FAM107B: variants seen among roughly 807,000 people sequenced by gnomAD.
FAM107B encodes family with sequence similarity 107 member B, also known as protein FAM107B.
FAM107B carries 21 observed loss-of-function variants against 31.5 expected under a neutral mutation model. That is an observed-to-expected ratio of 0.67 (90% confidence interval 0.47 to 0.96). FAM107B has a LOEUF of 0.96. FAM107B is among the 40% of genes least tolerant of loss of function. The pLI, the probability that FAM107B is intolerant of heterozygous loss-of-function variation, is 0.00. For missense variants in FAM107B, 452 were observed against 377.1 expected (o/e 1.20, Z -1.64); for synonymous variants, 157 against 141.5 (o/e 1.11, Z -0.78).
chr10:14,669,025 C>G (rs1854475883), intron 1 of FAM107B, among the ~76,000 whole-genome samples: 1 of 152,078 alleles, frequency 6.6e-6, no homozygotes, highest in Admixed American at 6.6e-5. Context: ...TTGGTAATAT[C>G]TCACCTGGAT....
chr10:14,696,456 A>C (rs939666710), intron 1 of FAM107B, among the ~76,000 whole-genome samples: 2 of 151,582 alleles, frequency 1.3e-5, no homozygotes, highest in Non-Finnish European at 2.9e-5. Context: ...TTTTCTTGTA[A>C]TGTCTTTGCC....
intron 2 of FAM107B, among the ~76,000 whole-genome samples, chr10:14,644,450 C>T (rs1853704488): frequency 6.6e-6 from 1 of 152,216 alleles, no homozygotes; most frequent in Non-Finnish European, 1.5e-5. Flanking sequence ...CATGCGTATG[C>T]TGCCTGCCCT....
At chr10:14,684,406 C>T (rs1854922718) in intron 1 of FAM107B, among the ~76,000 whole-genome samples, 1 of 152,128 alleles carries the variant, frequency 6.6e-6, no homozygotes, top group African/African-American at 2.4e-5. Flanking sequence ...GAGCCAAGAT[C>T]ATGCCACAGC....
At chr10:14,602,363 C>A (rs1270234552) in intron 2 of FAM107B, 2 of 152,174 alleles carry the variant, frequency 1.3e-5, no homozygotes, top group Non-Finnish European at 1.5e-5. Context: ...GTCTCAAAGA[C>A]CTCTATTTTG....
At chr10:14,702,877 T>A (rs1018062173) in intron 1 of FAM107B, among the ~76,000 whole-genome samples, 1 of 152,038 alleles carries the variant, frequency 6.6e-6, no homozygotes, top group Non-Finnish European at 1.5e-5. Context: ...CACCAAGAAT[T>A]GTTTTTCCTT....
At chr10:14,719,682 G>C (rs989012076) in intron 1 of FAM107B, among the ~76,000 whole-genome samples, 1 of 152,188 alleles carries the variant, frequency 6.6e-6, no homozygotes, top group African/African-American at 2.4e-5. Context: ...GGGTATTTAT[G>C]TTCCTCTCTC....
chr10:14,767,079 G>C (rs868856426), intron 1 of FAM107B, among the ~76,000 whole-genome samples: 3 of 97,314 alleles, frequency 3.1e-5, no homozygotes, highest in East Asian at 2.8e-4. Flanking sequence ...GAGAGAGAGA[G>C]AGAGAGAGAG....
At chr10:14,648,001 GAAAA>G (rs546564001) in intron 2 of FAM107B, among the ~76,000 whole-genome samples, 1 of 132,712 alleles carries the variant, frequency 7.5e-6, no homozygotes, top group Non-Finnish European at 1.6e-5. Flanking sequence ...ATTTTTAGCG[GAAAA>G]AAAAAAAGGC....
chr10:14,668,438 C>T (rs746113726), intron 1 of FAM107B, among the ~76,000 whole-genome samples: 2 of 152,082 alleles, frequency 1.3e-5, no homozygotes, highest in African/African-American at 4.8e-5. Context: ...CATGTACTTT[C>T]GAAAGTTCCA....
At chr10:14,710,384 A>G (rs929374571) in intron 1 of FAM107B, among the ~76,000 whole-genome samples, 1 of 151,428 alleles carries the variant, frequency 6.6e-6, no homozygotes, top group Non-Finnish European at 1.5e-5. Flanking sequence ...ATACTCCAGC[A>G]TGGGATAAAA....
intron 2 of FAM107B, among the ~76,000 whole-genome samples, chr10:14,581,571 C>T (rs1851637269): frequency 6.6e-6 from 1 of 152,232 alleles, no homozygotes. Flanking sequence ...TTCTGGCTGC[C>T]ATCACCGGCA....
intron 2 of FAM107B, among the ~76,000 whole-genome samples, chr10:14,610,837 T>A (rs184053026): frequency 7.3e-4 from 111 of 152,380 alleles, no homozygotes; most frequent in Non-Finnish European, 5.1e-4. Flanking sequence ...TTTCATAATG[T>A]AACTGAGTAC....
At chr10:14,755,949 A>G (rs1381950113) in intron 1 of FAM107B, among the ~76,000 whole-genome samples, 1 of 152,170 alleles carries the variant, frequency 6.6e-6, no homozygotes, top group African/African-American at 2.4e-5. Flanking sequence ...TCTGACTCCA[A>G]AACCCAATAA....
intron 2 of FAM107B, among the ~76,000 whole-genome samples, chr10:14,548,832 A>ACG (rs1158272680): frequency 3.4e-5 from 2 of 59,390 alleles, no homozygotes; most frequent in South Asian, 9.3e-4. Context: ...ACACGCACAC[A>ACG]CACGCACACA....
chr10:14,567,429 G>T (rs1015974039), intron 2 of FAM107B, among the ~76,000 whole-genome samples: 1 of 152,116 alleles, frequency 6.6e-6, no homozygotes, highest in Non-Finnish European at 1.5e-5. Flanking sequence ...AGAGATTTAA[G>T]AAGTGTGGAG....
chr10:14,523,929 T>A (rs548406102), intron 3 of FAM107B, among the ~76,000 whole-genome samples: 2 of 151,234 alleles, frequency 1.3e-5, no homozygotes, highest in South Asian at 2.1e-4. Flanking sequence ...TGCAGCGGCA[T>A]GATCTCAGCT....
In FAM107B at chr10:14,521,974, T is replaced by G. The variant is rs745864568; in HGVS notation, c.699A>C (p.Glu233Asp). ...QNKPELQKVM[E>D]KRKRDQVIKQ... ...TTATTACTTGGTCTCGTTTTCTTTT[T>G]TCCATCACCTTCTGCAATTCTGGTT... The change falls in exon 4 of 5, where the codon GAA becomes GAC. Residue 233 changes from glutamate (E) to aspartate (D), a missense_variant. Glu to Asp is a conservative substitution (Grantham distance 45). Transcript: ENST00000181796. The G allele has an allele frequency of 3.7e-6, 6 of 1,614,178 alleles. No individual in the cohort carries two copies. Among genetic ancestry groups the G allele is most frequent in the Non-Finnish European group, 5.1e-6 (6 of 1,180,022 alleles).
chr10:14,737,635 C>CAA (rs1461764946), intron 1 of FAM107B, among the ~76,000 whole-genome samples: 1 of 151,884 alleles, frequency 6.6e-6, no homozygotes, highest in African/African-American at 2.4e-5. Context: ...AACAAACAAA[C>CAA]AAACAAAAAA....
intron 2 of FAM107B, among the ~76,000 whole-genome samples, chr10:14,639,971 C>T (rs970396029): frequency 5.3e-5 from 8 of 152,216 alleles, no homozygotes; most frequent in Non-Finnish European, 1.0e-4. Context: ...TTCACTCTGA[C>T]TGCCACCCGT....
Sources: allele counts gnomAD v4.1 joint callset (sites outside exome capture counted in the v4.1 genomes callset), GRCh38; gene constraint gnomAD v4.1.1; transcripts MANE v1.5; gene names NCBI Gene and HGNC (gene_info 2026-07-23, HGNC 2026-07-21).